Variants in CCNL1 observed in about 807,000 individuals in gnomAD.
CCNL1 encodes the protein cyclin-L1.
CCNL1 carries 13 observed loss-of-function variants against 60.6 expected under a neutral mutation model. The observed-to-expected ratio is 0.21, with a 90% CI of 0.14 to 0.34. CCNL1 has a LOEUF of 0.34. Ranked by LOEUF, CCNL1 falls within the 10% of genes least tolerant of loss-of-function variation. The pLI is 1.00. For synonymous variants in CCNL1, 270 were observed against 244.3 expected (o/e 1.10, Z -0.98); for missense variants, 481 against 664.3 (o/e 0.72, Z 3.03).
chr3:157,153,078 T>C lies in CCNL1; in HGVS notation c.567A>G (p.Leu189=). ...CATGAACACAAAATCCCAACTCCTT[T>C]AGCACCCTCCTCTCTGCTTTGATAA... ...NQVIKAERRV[L]KELGFCVHVK... is the part of the protein sequence containing the mutation. The change falls in exon 4 of 11, where the codon CTA becomes CTG. Residue 189 remains leucine (L), a synonymous_variant. Transcript: ENST00000295926. 1.9e-6 allele frequency: 3 copies of C among 1,613,662 alleles called. No homozygotes were observed. The highest frequency in any genetic ancestry group is 1.7e-4 in the Middle Eastern group (1 of 6,058).
At chr3:157,159,572 C>G in intron 1 of CCNL1, 93 bp from the exon 2 acceptor site, 1 of 1,239,714 alleles carries the variant, frequency 8.1e-7, no homozygotes, top group Non-Finnish European at 1.2e-6. Context: ...CTTCCCTTTC[C>G]CCTCCCGCCG....
At position 157,160,085 on chromosome 3, in the gene CCNL1, C is replaced by T. The variant is rs936132664; in HGVS notation, c.10G>A (p.Gly4Arg). 3 of 1,550,640 alleles carry T rather than the reference C, an allele frequency of 1.9e-6. No individual in the cohort carries two copies. The highest frequency in any genetic ancestry group is 8.7e-7 in the Non-Finnish European group (1 of 1,148,248). The change falls in exon 1 of 11, where the codon GGG becomes AGG. Residue 4 changes from glycine to arginine, a missense_variant. Physicochemically the swap from Gly to Arg is moderately radical, Grantham distance 125. This residue lies in a region of CCNL1 where 65 missense variants were observed against 57.5 expected (regional missense o/e 1.13). Transcript: ENST00000295926. MASGPHSTATAAAA... is the reference protein window; with the variant it reads MASRPHSTATAAAA... ...GCAGCAGTAGCTGTCGAATGAGGCCCGGACGCCATAGTCTTAGCGAGCCGC... is the reference window on the plus strand; with the variant it reads ...GCAGCAGTAGCTGTCGAATGAGGCCTGGACGCCATAGTCTTAGCGAGCCGC...
chr3:157,155,637 C>A, intron 3 of CCNL1, among the ~76,000 whole-genome samples: 1 of 152,164 alleles, frequency 6.6e-6, no homozygotes, highest in Non-Finnish European at 1.5e-5. Context: ...TAATTTACAA[C>A]TACCTGGTAG....
At chr3:157,143,288 T>C (rs1344551153), downstream of CCNL1, among the ~76,000 whole-genome samples, 2 of 152,218 alleles carry the variant, frequency 1.3e-5, no homozygotes, top group Admixed American at 1.3e-4. Flanking sequence ...ACCAGTTTGC[T>C]ACCCCTAGGA....
At chr3:157,158,232 A>G (rs570795310) in intron 3 of CCNL1, among the ~76,000 whole-genome samples, 20 of 152,328 alleles carry the variant, frequency 1.3e-4, no homozygotes, top group African/African-American at 4.6e-4. Context: ...AATGCAACCC[A>G]ATCAATCTTA....
chr3:157,152,067 G>GAAA, intron 5 of CCNL1, 110 bp downstream of exon 5: 1 of 1,499,448 alleles, frequency 6.7e-7, no homozygotes, highest in Non-Finnish European at 8.9e-7. Flanking sequence ...AAAAAACAAC[G>GAAA]AAAAGCCCCA....
chr3:157,150,184 C>T lies in CCNL1; in HGVS notation c.775-15G>A. 6.2e-7 allele frequency: 1 copy of T among 1,609,702 alleles called. No homozygotes were observed. Among genetic ancestry groups the T allele is most frequent in the Non-Finnish European group, 8.5e-7 (1 of 1,177,948 alleles). ...GGCAACGGAATCTAAACCATAAGAA[C>T]AGAATGTTTTAAATTAAATTTTTGC... On this transcript the variant is annotated splice_polypyrimidine_tract_variant and intron_variant, in intron 6 of 10. Coordinates refer to ENST00000295926, the MANE Select transcript of CCNL1 (RefSeq NM_020307.4).
intron 2 of CCNL1, 163 bp from the exon 3 acceptor site, chr3:157,159,138 C>T (rs1236312018): frequency 1.6e-6 from 1 of 630,626 alleles, no homozygotes; most frequent in African/African-American, 1.8e-5. Flanking sequence ...TTGTTTAACT[C>T]ATCTTAATTT....
intron 2 of CCNL1, 194 bp from the exon 3 acceptor site, chr3:157,159,169 A>G (rs759821266): frequency 8.9e-5 from 56 of 629,732 alleles, no homozygotes; most frequent in Non-Finnish European, 1.1e-4. Flanking sequence ...GTCAAACTCA[A>G]TCTTACAGGA....
chr3:157,155,321 CATTT>C (rs1738528711), intron 3 of CCNL1, among the ~76,000 whole-genome samples: 1 of 152,114 alleles, frequency 6.6e-6, no homozygotes, highest in Non-Finnish European at 1.5e-5. Flanking sequence ...TGATATAATT[CATTT>C]GTTCTTGCAA....
downstream of CCNL1, among the ~76,000 whole-genome samples, chr3:157,145,895 G>A (rs1292465868): frequency 6.6e-6 from 1 of 152,190 alleles, no homozygotes; most frequent in East Asian, 1.9e-4. Flanking sequence ...ATATGGAGAG[G>A]CCTGTGGTTA....
chr3:157,150,261 A>T (rs1738082740), intron 6 of CCNL1, 21 bp downstream of exon 6: 3 of 1,612,840 alleles, frequency 1.9e-6, no homozygotes, highest in Non-Finnish European at 2.5e-6. Flanking sequence ...CTACAGAACA[A>T]AATGGGAAAT....
chr3:157,148,859 C>A, intron 10 of CCNL1: 1 of 407,286 alleles, frequency 2.5e-6, no homozygotes, highest in Non-Finnish European at 4.3e-6. Flanking sequence ...TAAGTATCTC[C>A]CACATGTTCA....
intron 3 of CCNL1, chr3:157,156,851 C>T: frequency 9.0e-7 from 1 of 1,116,318 alleles, no homozygotes; most frequent in Non-Finnish European, 1.2e-6. Context: ...AAATACAAAG[C>T]TATAGTTCTA....
rs753674793 is a variant in CCNL1, at chr3:157,150,122, T to C, written c.822A>G (p.Thr274=). 1 of 1,613,316 alleles carries C rather than the reference T, an allele frequency of 6.2e-7. No individual in the cohort carries two copies. The highest frequency in any genetic ancestry group is 1.7e-5 in the Admixed American group (1 of 59,778). ...RPHWFLLFGT[T]EEEIQEICIE... Reference sequence around the variant, plus strand: ...TGCAGATTTCCTGGATTTCCTCTTCTGTAGTACCAAAAAGAAGAAACCAAT... The same window carrying C: ...TGCAGATTTCCTGGATTTCCTCTTCCGTAGTACCAAAAAGAAGAAACCAAT... Residue 274 remains threonine, a synonymous_variant, in exon 7 of 11, where the codon ACA becomes ACG. Transcript: ENST00000295926.
intron 1 of CCNL1, 69 bp from the exon 2 acceptor site, chr3:157,159,548 T>C: frequency 3.5e-6 from 5 of 1,432,118 alleles, no homozygotes; most frequent in Non-Finnish European, 3.9e-6. Context: ...GCCGCCATTT[T>C]GTGCCGCCGA....
chr3:157,152,113 G>A (rs979026030), intron 5 of CCNL1, 64 bp downstream of exon 5: 19 of 1,579,650 alleles, frequency 1.2e-5, no homozygotes, highest in African/African-American at 5.5e-5. Context: ...AAGGGAAAAC[G>A]AAACTTACTT....
intron 3 of CCNL1, chr3:157,157,006 C>G: frequency 7.8e-7 from 1 of 1,289,846 alleles, no homozygotes; most frequent in Non-Finnish European, 1.0e-6. Flanking sequence ...CGATACTTCA[C>G]TCACTGTTGC....
At chr3:157,154,564 C>G (rs764957401) in intron 3 of CCNL1, 1 of 152,114 alleles carries the variant, frequency 6.6e-6, no homozygotes, top group Non-Finnish European at 1.5e-5. Flanking sequence ...AATACATGCA[C>G]CGAAGGTTAG....
Sources: allele counts gnomAD v4.1 joint callset (sites outside exome capture counted in the v4.1 genomes callset), GRCh38; gene constraint gnomAD v4.1.1; regional missense constraint gnomAD v4.1.1; transcripts MANE v1.5; gene names NCBI Gene and HGNC (gene_info 2026-07-23, HGNC 2026-07-21).